Variants in JAZF1 observed in about 807,000 individuals in gnomAD.
JAZF1 encodes the protein juxtaposed with another zinc finger protein 1.
In JAZF1, 8 loss-of-function variants were observed where a neutral mutation model predicts 26.4. That is an observed-to-expected ratio of 0.30 (90% CI 0.18 to 0.55). The LOEUF (loss-of-function observed/expected upper bound fraction) is 0.55. Ranked by LOEUF, JAZF1 falls within the 20% of genes least tolerant of loss-of-function variation. The probability of loss-of-function intolerance (pLI) is 0.94; values close to 1 mark genes in which losing one functional copy is unlikely to be tolerated. For missense variants in JAZF1, 199 were observed against 322.0 expected, an observed-to-expected ratio of 0.62 and a Z score of 2.92; for synonymous variants, 126 against 122.3, an observed-to-expected ratio of 1.03 and a Z score of -0.20.
chr7:27,905,495 A>C (rs993783499), intron 2 of JAZF1, among the ~76,000 whole-genome samples: 4 of 151,598 alleles, frequency 2.6e-5, no homozygotes, highest in African/African-American at 9.7e-5. Context: ...AAAAAAAGAT[A>C]AAAGGTGATC....
Position 28,180,681 on chromosome 7 carries a change from G to A in JAZF1, c.-104C>T. 4.5e-6 allele frequency: 3 copies of A among 660,826 alleles called. No homozygotes were observed. Among genetic ancestry groups the A allele is most frequent in the Admixed American group, 4.6e-5 (2 of 43,384 alleles). The allele number at this position is 660,826 out of a possible 1,614,324, so 40.9% of individuals were successfully genotyped here. A position where few individuals can be genotyped will look rare whatever the true frequency, so the allele number is the denominator to read the frequency against. The stretch of plus-strand genomic sequence containing the variant: ...TGAGGAGAGGAGGGGCTGGGGGAGG[G>A]GGAGAGAGGCGGGGTGAGGGGAGCG... On this transcript the variant is annotated 5_prime_UTR_variant, in exon 1 of 5. Coordinates refer to ENST00000283928, the MANE Select transcript of JAZF1 (RefSeq NM_175061.4).
chr7:27,936,197 A>C (rs974600071), intron 2 of JAZF1, among the ~76,000 whole-genome samples: 1 of 152,250 alleles, frequency 6.6e-6, no homozygotes, highest in African/African-American at 2.4e-5. Context: ...TTTAGGGAAA[A>C]GAGAGATGAC....
At chr7:28,179,725 G>A (rs1783606667) in intron 1 of JAZF1, among the ~76,000 whole-genome samples, 1 of 147,572 alleles carries the variant, frequency 6.8e-6, no homozygotes, top group Non-Finnish European at 1.5e-5. Flanking sequence ...CCGGGCCCGC[G>A]TCCCCGGCCC....
chr7:28,111,940 G>A (rs554014733), intron 1 of JAZF1, among the ~76,000 whole-genome samples: 7 of 152,318 alleles, frequency 4.6e-5, no homozygotes, highest in African/African-American at 9.6e-5. Flanking sequence ...CTGTCTATAT[G>A]CCTGACCTAG....
At chr7:28,029,133 G>A (rs889512947) in intron 1 of JAZF1, among the ~76,000 whole-genome samples, 3 of 152,088 alleles carry the variant, frequency 2.0e-5, no homozygotes, top group East Asian at 1.9e-4. Flanking sequence ...AAGGGACTGC[G>A]CCGAATGCTT....
At position 28,069,210 on chromosome 7, in the gene JAZF1, C is replaced by T. The variant is rs111577693; in HGVS notation, c.116-77229G>A. On this transcript the variant is annotated intron_variant, in intron 1 of 4. Coordinates refer to ENST00000283928, the MANE Select transcript of JAZF1 (RefSeq NM_175061.4). ...CCAGCTATCTGGACTCCCAGCTCAGCGCTGCTTCCTCTTGATCTCACGGCC... is the reference window on the plus strand; with the variant it reads ...CCAGCTATCTGGACTCCCAGCTCAGTGCTGCTTCCTCTTGATCTCACGGCC... 8.7e-3 allele frequency among the ~76,000 whole-genome samples: 1,327 copies of T among 152,352 alleles called. 20 individuals carry two copies. Among genetic ancestry groups the T allele is most frequent in the African/African-American group, 0.03 (1,258 of 41,570 alleles).
At chr7:27,951,428 A>G (rs991023640) in intron 2 of JAZF1, among the ~76,000 whole-genome samples, 11 of 152,220 alleles carry the variant, frequency 7.2e-5, no homozygotes, top group Non-Finnish European at 1.3e-4. Context: ...TTGCTGCCAC[A>G]GTGTACATGA....
chr7:28,047,997 T>C (rs1783526359), intron 1 of JAZF1, among the ~76,000 whole-genome samples: 1 of 152,168 alleles, frequency 6.6e-6, no homozygotes, highest in Admixed American at 6.5e-5. Flanking sequence ...GTGTACAAAT[T>C]ACCAGTAAAA....
chr7:28,001,351 CAAAA>C lies in JAZF1; in HGVS notation c.116-9374_116-9371del, dbSNP rs929409305. Among the ~76,000 whole-genome samples the C allele has an allele frequency of 1.6e-4, 23 of 146,456 alleles. 1 individual carries two copies. Among genetic ancestry groups the C allele is most frequent in the African/African-American group, 5.1e-4 (20 of 38,964 alleles). On this transcript the variant is annotated intron_variant, in intron 1 of 4. Transcript: ENST00000283928. ...TGGGTGACAGAGTGAGACCCTGTCT[CAAAA>C]AAAACAAAACAAAACAAAACAAAAC...
intron 1 of JAZF1, among the ~76,000 whole-genome samples, chr7:28,168,388 A>G (rs868707262): frequency 1.5e-3 from 229 of 150,266 alleles, no homozygotes; most frequent in African/African-American, 5.2e-3. Flanking sequence ...CTCAAAAAAA[A>G]AAAAAAAAAA....
chr7:28,102,336 A>C (rs573269416), intron 1 of JAZF1, among the ~76,000 whole-genome samples: 7 of 152,380 alleles, frequency 4.6e-5, no homozygotes, highest in African/African-American at 1.7e-4. Context: ...GAATTAAAAG[A>C]CATATTGTGA....
chr7:27,855,892 C>T (rs575113071), intron 3 of JAZF1, among the ~76,000 whole-genome samples: 1 of 152,324 alleles, frequency 6.6e-6, no homozygotes, highest in South Asian at 2.1e-4. Flanking sequence ...ATACCAAAAA[C>T]CAGCAGAGAC....
At chr7:28,008,854 T>C (rs975544446) in intron 1 of JAZF1, among the ~76,000 whole-genome samples, 1 of 152,224 alleles carries the variant, frequency 6.6e-6, no homozygotes, top group African/African-American at 2.4e-5. Flanking sequence ...TTAAAAGCCA[T>C]TCTGATTCAC....
chr7:28,134,937 G>A (rs961252692), intron 1 of JAZF1, among the ~76,000 whole-genome samples: 6 of 152,254 alleles, frequency 3.9e-5, no homozygotes, highest in African/African-American at 1.4e-4. Flanking sequence ...CTAGAATTGT[G>A]CTTTATATAT....
intron 2 of JAZF1, chr7:27,913,300 T>A: frequency 2.8e-6 from 1 of 363,486 alleles, no homozygotes; most frequent in Non-Finnish European, 5.5e-6. Flanking sequence ...TATTTGTGTG[T>A]GTGTGTGTAG....
At position 28,075,927 on chromosome 7, in the gene JAZF1, C is replaced by T. The variant is rs183248381; in HGVS notation, c.116-83946G>A. ...AATGGGAGAGACAAGAGATAGAGAA[C>T]TTCTACAGGTATTCAGAGCATTTTT... On this transcript the variant is annotated intron_variant, in intron 1 of 4. Transcript: ENST00000283928. Among the ~76,000 whole-genome samples, 31 of 152,310 alleles carry T rather than the reference C, an allele frequency of 2.0e-4. 1 individual carries two copies. In the East Asian group the frequency reaches 3.5e-3, roughly 17 times the overall value.
At chr7:28,064,538 T>C (rs1783850425) in intron 1 of JAZF1, among the ~76,000 whole-genome samples, 1 of 152,188 alleles carries the variant, frequency 6.6e-6, no homozygotes, top group Non-Finnish European at 1.5e-5. Context: ...ATTCTATAAA[T>C]GTTTAAACTA....
chr7:27,943,174 G>C (rs533612867), intron 2 of JAZF1, among the ~76,000 whole-genome samples: 1 of 152,290 alleles, frequency 6.6e-6, no homozygotes, highest in Admixed American at 6.5e-5. Context: ...TCCCAGAATA[G>C]AAGGGGACTG....
chr7:27,948,613 G>A (rs1378890259), intron 2 of JAZF1, among the ~76,000 whole-genome samples: 1 of 152,092 alleles, frequency 6.6e-6, no homozygotes, highest in Non-Finnish European at 1.5e-5. Context: ...CAGGCATGCG[G>A]GAGCACTTAC....
Sources: gnomAD v4.1 joint callset for allele counts (sites outside exome capture counted in the v4.1 genomes callset) on GRCh38, gnomAD v4.1.1 for gene constraint, MANE v1.5 for transcripts, NCBI Gene and HGNC (gene_info 2026-07-23, HGNC 2026-07-21) for gene names.